Variants in ADCK5 observed in about 807,000 individuals in gnomAD.
The protein encoded by ADCK5 is uncharacterized aarF domain-containing protein kinase 5.
A neutral mutation model predicts 64.9 loss-of-function variants in ADCK5; 43 were observed. That is an observed-to-expected ratio of 0.66 (90% CI 0.52 to 0.85). ADCK5 has a LOEUF of 0.85. Ranked by LOEUF, ADCK5 falls within the 40% of genes least tolerant of loss-of-function variation. The probability of loss-of-function intolerance (pLI) is 0.00; values close to 1 mark genes in which losing one functional copy is unlikely to be tolerated. For missense variants in ADCK5, 760 were observed against 810.5 expected (o/e 0.94, Z 0.76); for synonymous variants, 434 against 342.8 (o/e 1.27, Z -2.94).
At chr8:144,373,783 T>C (rs1232739733), upstream of ADCK5, 1 of 339,916 alleles carries the variant, frequency 2.9e-6, no homozygotes, top group East Asian at 4.4e-5. Flanking sequence ...ATTATCCACG[T>C]GCTTCTCACA....
chr8:144,391,015 C>T lies in ADCK5; in HGVS notation c.502C>T (p.Arg168Cys), dbSNP rs577667370. 5.6e-6 allele frequency: 9 copies of T among 1,612,898 alleles called. No homozygotes were observed. In the East Asian group the frequency reaches 6.7e-5, roughly 12 times the overall value. The change falls in exon 5 of 15, where the codon CGC becomes TGC. Residue 168 changes from arginine to cysteine, a missense_variant. Physicochemically the swap from Arg to Cys is radical, Grantham distance 180. Around this residue, in one of 2 missense-constraint regions of ADCK5, gnomAD observed 427 missense variants for 518.4 expected, o/e 0.82. Transcript: ENST00000308860. ...LLPPEYTRTLRVLEDRALKRG... is the reference protein window; with the variant it reads ...LLPPEYTRTLCVLEDRALKRG... ...TCCCCCCGAGTATACCCGGACCCTGCGCGTGCTAGAGGACAGGGCCCTCAA... is the reference window on the plus strand; with the variant it reads ...TCCCCCCGAGTATACCCGGACCCTGTGCGTGCTAGAGGACAGGGCCCTCAA...
intron 3 of ADCK5, among the ~76,000 whole-genome samples, chr8:144,389,835 T>C (rs1336149593): frequency 1.3e-5 from 2 of 149,862 alleles, no homozygotes; most frequent in Non-Finnish European, 3.0e-5. Context: ...CAGCCTCTTT[T>C]TTTTTTTTTT....
chr8:144,393,006 GCTCGTGCTCTGGTCCACCTGAGC>G lies in ADCK5; in HGVS notation c.1683_1705del (p.Leu562ProfsTer50). On this transcript the variant is annotated frameshift_variant, in exon 15 of 15. Transcript: ENST00000308860. LOFTEE classifies it low-confidence loss of function (END_TRUNC). The stretch of plus-strand genomic sequence containing the variant: ...GGCCATGCGGCTGACCGCCCTCCTG[GCTCGTGCTCTGGTCCACCTGAGC>G]CTCGTGCCCCCAGCGGAGGAGCTCT... The G allele has an allele frequency of 1.3e-6, 2 of 1,590,256 alleles. No individual in the cohort carries two copies. The highest frequency in any genetic ancestry group is 1.7e-6 in the Non-Finnish European group (2 of 1,171,776).
At chr8:144,381,752 G>A (rs1389106204) in intron 2 of ADCK5, among the ~76,000 whole-genome samples, 1 of 143,810 alleles carries the variant, frequency 7.0e-6, no homozygotes, top group African/African-American at 2.6e-5. Flanking sequence ...TGGGCCGGGT[G>A]CAGAAACAGA....
chr8:144,392,417 C>CGACCCG, intron 12 of ADCK5, 28 bp from the exon 13 acceptor site: 1 of 1,325,714 alleles, frequency 7.5e-7, no homozygotes, highest in Admixed American at 2.8e-5. Context: ...TCAGAGCCCC[C>CGACCCG]TCCCTCCCTC....
rs1393252937 is a variant in ADCK5, at chr8:144,393,167, A to G, written c.*93A>G. 1.5e-6 allele frequency: 2 copies of G among 1,368,660 alleles called. No homozygotes were observed. The highest frequency in any genetic ancestry group is 1.5e-5 in the South Asian group (1 of 67,456). 84.8% of individuals were successfully genotyped at this position (1,368,660 alleles called of 1,614,324 possible). A position where few individuals can be genotyped will look rare whatever the true frequency, so the allele number is the denominator to read the frequency against. On this transcript the variant is annotated 3_prime_UTR_variant, in exon 15 of 15. Transcript: ENST00000308860. ...TGTAGACACCCCGAGCCCCGTGGGCACTCGCACTGGGGGGCTGTGACAGCA... is the reference window on the plus strand; with the variant it reads ...TGTAGACACCCCGAGCCCCGTGGGCGCTCGCACTGGGGGGCTGTGACAGCA...
chr8:144,381,488 T>A (rs1433070034), intron 2 of ADCK5, among the ~76,000 whole-genome samples: 127 of 59,276 alleles, frequency 2.1e-3, no homozygotes, highest in Middle Eastern at 0.014. Context: ...GGGTGTAGAA[T>A]CAGATGTGTG....
At chr8:144,380,250 A>G (rs1392868344) in intron 2 of ADCK5, among the ~76,000 whole-genome samples, 3 of 150,364 alleles carry the variant, frequency 2.0e-5, no homozygotes, top group Non-Finnish European at 4.5e-5. Context: ...GTAGAAACAG[A>G]TGTGTGCTCA....
rs1554861734 is a variant in ADCK5, at chr8:144,393,084, G to A, written c.*10G>A. 4 of 1,552,422 alleles carry A rather than the reference G, an allele frequency of 2.6e-6. No individual in the cohort carries two copies. Among genetic ancestry groups the A allele is most frequent in the East Asian group, 4.7e-5 (2 of 42,306 alleles). On this transcript the variant is annotated 3_prime_UTR_variant, in exon 15 of 15. Transcript: ENST00000308860. ...GTACCTGGAGACCTAGGGTGCAGCC[G>A]CCCAGGGCCGGCGGGGCCCTTTTCA... is the stretch of plus-strand genomic sequence containing the variant.
rs782230569 is a variant in ADCK5, at chr8:144,393,107, T to C, written c.*33T>C. 129 of 1,508,482 alleles carry C rather than the reference T, an allele frequency of 8.6e-5. No individual in the cohort carries two copies. Among genetic ancestry groups the C allele is most frequent in the Non-Finnish European group, 1.1e-4 (128 of 1,130,682 alleles). 93.4% of individuals were successfully genotyped at this position (1,508,482 alleles called of 1,614,324 possible). ...CCGCCCAGGGCCGGCGGGGCCCTTT[T>C]CACCTTGGGCTGACGGAGGTGGCGG... On this transcript the variant is annotated 3_prime_UTR_variant, in exon 15 of 15. Coordinates refer to ENST00000308860, the MANE Select transcript of ADCK5 (RefSeq NM_174922.5).
rs1256660671 is a variant in ADCK5, at chr8:144,384,237, T to A, written c.266+1007T>A. On this transcript the variant is annotated intron_variant, in intron 3 of 14. Coordinates refer to ENST00000308860, the MANE Select transcript of ADCK5 (RefSeq NM_174922.5). The surrounding 1 kb of genome is among the most constrained non-coding windows in gnomAD (Gnocchi z 5.7). ...CCCCAAAGCCCTTTTGAATGGAGCG[T>A]CAGGGCAGGAAGGAGGCAGGGAGGG... Among the ~76,000 whole-genome samples the A allele has an allele frequency of 4.6e-5, 7 of 152,046 alleles. No individual in the cohort carries two copies. The highest frequency in any genetic ancestry group is 1.3e-4 in the Admixed American group (2 of 15,254).
chr8:144,379,784 G>T (rs1438288100), intron 2 of ADCK5, among the ~76,000 whole-genome samples: 1 of 152,232 alleles, frequency 6.6e-6, no homozygotes, highest in Non-Finnish European at 1.5e-5. Context: ...GGGTCATTCA[G>T]AGCATGGAGG....
At chr8:144,392,416 C>CCGGCCCG in intron 12 of ADCK5, 29 bp from the exon 13 acceptor site, 1 of 1,333,422 alleles carries the variant, frequency 7.5e-7, no homozygotes, top group Non-Finnish European at 9.8e-7. Flanking sequence ...CTCAGAGCCC[C>CCGGCCCG]CTCCCTCCCT....
chr8:144,391,938 C>CAGAT lies in ADCK5; in HGVS notation c.1015_1018dup, dbSNP rs1554860849. The CAGAT allele has an allele frequency of 6.2e-6, 10 of 1,612,462 alleles. No individual in the cohort carries two copies. The highest frequency in any genetic ancestry group is 7.6e-6 in the Non-Finnish European group (9 of 1,180,006). ...TCCACTGCAATGCCTCTCCTCTCCC[C>CAGAT]AGATAGCAGAAAAGCTCATCAAGGC... On this transcript the variant is annotated splice_polypyrimidine_tract_variant and splice_region_variant and intron_variant, in intron 9 of 14. Transcript: ENST00000308860.
chr8:144,392,890 C>G lies in ADCK5; in HGVS notation c.1635C>G (p.Leu545=). The part of the protein sequence containing the change: ...VWEMLKFEVA[L]RLETLAMRLT... ...AGATGCTCAAGTTTGAAGTGGCGCT[C>G]AGGTGAGTGGCCGCGGGGCAGGTGG... The change falls in exon 14 of 15, where the codon CTC becomes CTG. Residue 545 remains leucine, a splice_region_variant and synonymous_variant. Transcript: ENST00000308860. 2.5e-6 allele frequency: 4 copies of G among 1,601,430 alleles called. No individual in the cohort carries two copies. The South Asian group carries it at 4.4e-5, about 18-fold the overall frequency.
chr8:144,377,713 G>A (rs1265005887), intron 1 of ADCK5, among the ~76,000 whole-genome samples: 1 of 152,188 alleles, frequency 6.6e-6, no homozygotes. Flanking sequence ...AGTAAAAGAT[G>A]TACAGGGTCC....
chr8:144,391,481 C>T lies in ADCK5; in HGVS notation c.798+7C>T, dbSNP rs782675472. 1.9e-6 allele frequency: 3 copies of T among 1,607,668 alleles called. No individual in the cohort carries two copies. Among genetic ancestry groups the T allele is most frequent in the Non-Finnish European group, 2.5e-6 (3 of 1,178,160 alleles). On this transcript the variant is annotated splice_region_variant and intron_variant, in intron 7 of 14. Coordinates refer to ENST00000308860, the MANE Select transcript of ADCK5 (RefSeq NM_174922.5). ...CTTCAGCTGGGTCCTCCAGGTACAG[C>T]CCCACCCCTTCCCCGGCCAGCAGGA...
At position 144,391,850 on chromosome 8, in the gene ADCK5, G is replaced by A. The variant is rs1187260888; in HGVS notation, c.998G>A (p.Gly333Glu). 11 of 1,576,482 alleles carry A rather than the reference G, an allele frequency of 7.0e-6. No individual in the cohort carries two copies. The highest frequency in any genetic ancestry group is 8.6e-6 in the Non-Finnish European group (10 of 1,166,752). The change falls in exon 9 of 15, where the codon GGG (glycine) becomes GAG (glutamate). Residue 333 changes from glycine (G) to glutamate (E), a missense_variant. Around this residue, in one of 2 missense-constraint regions of ADCK5, gnomAD observed 427 missense variants for 518.4 expected, o/e 0.82. Coordinates refer to ENST00000308860, the MANE Select transcript of ADCK5 (RefSeq NM_174922.5). Reference protein sequence around the residue: ...VNDVEAIRSQGLAVHDIAEKL... With the variant: ...VNDVEAIRSQELAVHDIAEKL... ...GATGTGGAGGCCATCAGGAGCCAGGGGCTGGCAGTGCATGACGTGAGTGCG... is the reference window on the plus strand; with the variant it reads ...GATGTGGAGGCCATCAGGAGCCAGGAGCTGGCAGTGCATGACGTGAGTGCG...
chr8:144,385,074 A>T (rs1819850235), intron 3 of ADCK5, among the ~76,000 whole-genome samples: 1 of 152,096 alleles, frequency 6.6e-6, no homozygotes, highest in Non-Finnish European at 1.5e-5. Context: ...AGAGGTCAGA[A>T]CAGGCCACAG....
Sources: allele counts gnomAD v4.1 joint callset (sites outside exome capture counted in the v4.1 genomes callset), GRCh38; gene constraint gnomAD v4.1.1; regional missense constraint gnomAD v4.1.1; non-coding constraint Gnocchi (gnomAD v3.1); transcripts MANE v1.5; gene names NCBI Gene and HGNC (gene_info 2026-07-23, HGNC 2026-07-21).